Variants in ARMH4 observed in about 807,000 individuals in gnomAD.
ARMH4 encodes armadillo like helical domain containing 4.
Under a neutral mutation model 61.9 loss-of-function variants are expected in ARMH4, and 49 were observed. The ratio of observed to expected loss-of-function variants is 0.79; its 90% CI spans 0.63 to 1.00. ARMH4 has a LOEUF of 1.00. ARMH4 is among the 50% of genes least tolerant of loss of function. The pLI is 0.00. For missense variants in ARMH4, 934 were observed against 930.0 expected (o/e 1.00, Z -0.06); for synonymous variants, 368 against 341.5 (o/e 1.08, Z -0.85).
chr14:58,090,234 C>CA (rs1885512223), intron 5 of ARMH4, among the ~76,000 whole-genome samples: 1 of 152,124 alleles, frequency 6.6e-6, no homozygotes, highest in Admixed American at 6.5e-5. Context: ...CTAAAGTAGA[C>CA]AAAAATGGTC....
intron 5 of ARMH4, among the ~76,000 whole-genome samples, chr14:58,060,281 C>T (rs908881062): frequency 2.0e-5 from 3 of 152,208 alleles, no homozygotes; most frequent in Non-Finnish European, 2.9e-5. Context: ...GTCAGCTTTG[C>T]TGTTATTTCC....
At chr14:58,032,586 T>A (rs1178009932) in intron 5 of ARMH4, among the ~76,000 whole-genome samples, 1 of 152,062 alleles carries the variant, frequency 6.6e-6, no homozygotes. Flanking sequence ...GGTCTACAGC[T>A]CCCAGCGTGA....
intron 5 of ARMH4, among the ~76,000 whole-genome samples, chr14:58,085,138 G>A (rs1234650789): frequency 6.6e-6 from 1 of 152,002 alleles, no homozygotes; most frequent in Non-Finnish European, 1.5e-5. Flanking sequence ...TAATAGAGTG[G>A]ACCAAGAGCA....
chr14:58,072,801 AG>A (rs1195124556), intron 5 of ARMH4, among the ~76,000 whole-genome samples: 1 of 152,082 alleles, frequency 6.6e-6, no homozygotes, highest in Non-Finnish European at 1.5e-5. Context: ...TTCAAGGAAG[AG>A]CCATCTTTTA....
intron 2 of ARMH4, among the ~76,000 whole-genome samples, chr14:58,137,236 CTAAGA>C (rs1357620698): frequency 1.3e-5 from 2 of 152,234 alleles, no homozygotes; most frequent in East Asian, 1.9e-4. Context: ...CCTACGTAGT[CTAAGA>C]TATTTAACAA....
At chr14:58,067,408 T>C (rs1884739146) in intron 5 of ARMH4, among the ~76,000 whole-genome samples, 1 of 152,096 alleles carries the variant, frequency 6.6e-6, no homozygotes. Flanking sequence ...CAGGACTTAG[T>C]GGCTGGTTCA....
intron 5 of ARMH4, among the ~76,000 whole-genome samples, chr14:58,037,020 T>C (rs937082723): frequency 1.0e-5 from 1 of 98,210 alleles, no homozygotes; most frequent in Non-Finnish European, 2.2e-5. Flanking sequence ...AAGCTACCAA[T>C]GACTTTCTTC....
chr14:58,030,789 A>T (rs11158193), intron 5 of ARMH4, among the ~76,000 whole-genome samples: 83,824 of 151,558 alleles, frequency 0.55, 23,484 homozygotes, highest in East Asian at 0.67. Flanking sequence ...TTTCAGAACT[A>T]ACTTCCTTTT....
At position 58,099,972 on chromosome 14, in the gene ARMH4, T is replaced by C. The variant is rs1210051955; in HGVS notation, c.1832-2991A>G. On this transcript the variant is annotated intron_variant, in intron 4 of 7. Transcript: ENST00000267485. Reference sequence around the variant, plus strand: ...TGTAAGGATTTCATTAGTTAATTTATAAGGTACTTAAAACTAAGCCTGGTG... The same window carrying C: ...TGTAAGGATTTCATTAGTTAATTTACAAGGTACTTAAAACTAAGCCTGGTG... Among the ~76,000 whole-genome samples the C allele has an allele frequency of 2.6e-5, 4 of 152,208 alleles. 1 individual carries two copies. Among genetic ancestry groups the C allele is most frequent in the African/African-American group, 9.6e-5 (4 of 41,456 alleles).
intron 5 of ARMH4, among the ~76,000 whole-genome samples, chr14:58,039,396 G>A (rs946449669): frequency 2.6e-5 from 4 of 152,262 alleles, no homozygotes; most frequent in Admixed American, 2.0e-4. Context: ...AAAGAGAAAC[G>A]CCTATTTACC....
At chr14:58,015,461 C>A (rs959461373) in intron 5 of ARMH4, among the ~76,000 whole-genome samples, 1 of 152,078 alleles carries the variant, frequency 6.6e-6, no homozygotes, top group Admixed American at 6.6e-5. Flanking sequence ...GACCCCGGAG[C>A]GCCATGCCTT....
intron 6 of ARMH4, among the ~76,000 whole-genome samples, chr14:58,010,283 ATCTTC>A (rs1882358652): frequency 6.6e-6 from 1 of 152,214 alleles, no homozygotes; most frequent in Admixed American, 6.6e-5. Flanking sequence ...ATGTACATGT[ATCTTC>A]TCAAACTCCA....
intron 5 of ARMH4, among the ~76,000 whole-genome samples, chr14:58,067,476 C>A (rs1372789615): frequency 6.6e-6 from 1 of 152,064 alleles, no homozygotes; most frequent in South Asian, 2.1e-4. Flanking sequence ...AGTGGGGAGG[C>A]AGACCAAGAA....
intron 2 of ARMH4, among the ~76,000 whole-genome samples, chr14:58,136,886 A>C (rs1389845543): frequency 2.0e-5 from 3 of 152,012 alleles, no homozygotes; most frequent in Non-Finnish European, 4.4e-5. Context: ...CTTCCACCCT[A>C]CCCCCTTCCT....
chr14:58,067,446 T>C (rs1884739856), intron 5 of ARMH4, among the ~76,000 whole-genome samples: 1 of 152,128 alleles, frequency 6.6e-6, no homozygotes, highest in Non-Finnish European at 1.5e-5. Context: ...GCTGGAGTCC[T>C]GGGAGAGACT....
At chr14:58,051,543 G>T (rs2141200744) in intron 5 of ARMH4, among the ~76,000 whole-genome samples, 1 of 152,286 alleles carries the variant, frequency 6.6e-6, no homozygotes, top group South Asian at 2.1e-4. Context: ...ATAAGTACTT[G>T]CACTTGAATA....
In ARMH4 at chr14:58,031,262, C is replaced by G. The variant is rs528952885; in HGVS notation, c.2090-19112G>C. ...ACACTAGAAATAAAATCTGATTATCCCAGAGACTCATTTTCATATACTTTT... is the reference window on the plus strand; with the variant it reads ...ACACTAGAAATAAAATCTGATTATCGCAGAGACTCATTTTCATATACTTTT... On this transcript the variant is annotated intron_variant, in intron 5 of 7. Transcript: ENST00000267485. 5.3e-5 allele frequency among the ~76,000 whole-genome samples: 8 copies of G among 152,142 alleles called. No individual in the cohort carries two copies. In the South Asian group the frequency reaches 1.5e-3, roughly 28 times the overall value.
At chr14:58,076,735 T>C (rs2141236003) in intron 5 of ARMH4, among the ~76,000 whole-genome samples, 1 of 152,174 alleles carries the variant, frequency 6.6e-6, no homozygotes, top group East Asian at 1.9e-4. Context: ...CTGGGTAAAC[T>C]GAGAAAGAAG....
chr14:58,082,184 A>G (rs1885250218), intron 5 of ARMH4, among the ~76,000 whole-genome samples: 1 of 152,218 alleles, frequency 6.6e-6, no homozygotes, highest in African/African-American at 2.4e-5. Context: ...ACTCCCAAGA[A>G]CACTCTGGGT....
Sources: gnomAD v4.1 joint callset for allele counts (sites outside exome capture counted in the v4.1 genomes callset) on GRCh38, gnomAD v4.1.1 for gene constraint, MANE v1.5 for transcripts, NCBI Gene and HGNC (gene_info 2026-07-23, HGNC 2026-07-21) for gene names.